Variants in TMEM63B observed in about 807,000 individuals in gnomAD.
TMEM63B encodes mechanosensitive cation channel TMEM63B.
In TMEM63B, 23 loss-of-function variants were observed where a neutral mutation model predicts 102.6. The ratio of observed to expected loss-of-function variants is 0.22; its 90% confidence interval spans 0.16 to 0.32. The LOEUF (loss-of-function observed/expected upper bound fraction) is 0.32, where lower values mean the gene tolerates loss of function less well. Among genes scored for constraint, TMEM63B ranks in the 10% least tolerant of loss-of-function variants. TMEM63B has a pLI of 1.00. For missense variants in TMEM63B, 628 were observed against 1,095.9 expected (o/e 0.57, Z 6.03); for synonymous variants, 444 against 437.0 (o/e 1.02, Z -0.20).
At position 44,150,082 on chromosome 6, in the gene TMEM63B, G is replaced by A; in HGVS notation, c.1520+117G>A. The A allele has an allele frequency of 7.6e-7, 1 of 1,321,364 alleles. No individual in the cohort carries two copies. Among genetic ancestry groups the A allele is most frequent in the Non-Finnish European group, 1.1e-6 (1 of 943,770 alleles). 81.9% of individuals were successfully genotyped at this position (1,321,364 alleles called of 1,614,324 possible). On this transcript the variant is annotated intron_variant, in intron 16 of 23. Transcript: ENST00000323267. The surrounding 1 kb of genome is among the most constrained non-coding windows in gnomAD (Gnocchi z 4.7). ...CCCTGGGCAGTCCCACAGCTGGTAG[G>A]GAAGGGGTAGTGCCCAGCACCCTCA...
At chr6:44,137,596 C>T (rs918612886) in intron 5 of TMEM63B, among the ~76,000 whole-genome samples, 1 of 152,208 alleles carries the variant, frequency 6.6e-6, no homozygotes, top group African/African-American at 2.4e-5. Context: ...GGACCTTCTG[C>T]TGGATGGAGT....
At chr6:44,138,255 A>G in intron 5 of TMEM63B, 2 of 553,588 alleles carry the variant, frequency 3.6e-6, no homozygotes, top group Non-Finnish European at 6.5e-6. Context: ...GGATTCACAG[A>G]TAAACCTGTT....
chr6:44,138,558 T>C lies in TMEM63B; in HGVS notation c.407+41T>C, dbSNP rs748548527. 74 of 1,612,994 alleles carry C rather than the reference T, an allele frequency of 4.6e-5. No homozygotes were observed. In the East Asian group the frequency reaches 1.2e-3, roughly 26 times the overall value. Reference sequence around the variant, plus strand: ...TCAAGCTCTAAAGAAAGAGAGAAACTTCAGAACCTGGCATCTCCCTACAAA... The same window carrying C: ...TCAAGCTCTAAAGAAAGAGAGAAACCTCAGAACCTGGCATCTCCCTACAAA... On this transcript the variant is annotated intron_variant, in intron 6 of 23. Coordinates refer to ENST00000323267, the MANE Select transcript of TMEM63B (RefSeq NM_018426.3).
rs767536605 is a variant in TMEM63B at position 44,146,858 on chromosome 6, C to A, written c.794C>A (p.Pro265His). The A allele has an allele frequency of 1.9e-6, 3 of 1,613,844 alleles. No individual in the cohort carries two copies. In the African/African-American group the frequency reaches 4.0e-5, roughly 22 times the overall value. Residue 265 changes from proline to histidine, a missense_variant, in exon 11 of 24, where the codon CCC (proline) becomes CAC (histidine). By Grantham distance (77) the Pro-to-His change is moderately conservative (BLOSUM62 -2). This residue lies in a region of TMEM63B where 336 missense variants were observed against 580.3 expected (regional missense o/e 0.58). Coordinates refer to ENST00000323267, the MANE Select transcript of TMEM63B (RefSeq NM_018426.3). ...GAACTGTGTTTCAGGGAAGCCTACC[C>A]CAACTGCACAGTTCTCGAAGCCCGC... ...KIKKHFEEAYPNCTVLEARPC... is the reference protein window; with the variant it reads ...KIKKHFEEAYHNCTVLEARPC...
chr6:44,149,976 T>A lies in TMEM63B; in HGVS notation c.1520+11T>A, dbSNP rs747689341. On this transcript the variant is annotated intron_variant, in intron 16 of 23. Transcript: ENST00000323267. ...AGCCCACTGGACACGGTAAGGTGCC[T>A]CCACTCACACCACACCTCGCTGTGG... 1 of 1,609,770 alleles carries A rather than the reference T, an allele frequency of 6.2e-7. No homozygotes were observed. The highest frequency in any genetic ancestry group is 1.7e-5 in the Admixed American group (1 of 59,744).
At position 44,154,738 on chromosome 6, in the gene TMEM63B, G is replaced by C. The variant is rs1767683973; in HGVS notation, c.2354G>C (p.Gly785Ala). 6.3e-7 allele frequency: 1 copy of C among 1,588,554 alleles called. No individual in the cohort carries two copies. Among genetic ancestry groups the C allele is most frequent in the Non-Finnish European group, 8.5e-7 (1 of 1,169,858 alleles). The change falls in exon 24 of 24, where the codon GGG (glycine) becomes GCG (alanine). Residue 785 changes from glycine to alanine, a missense_variant. Gly to Ala is a moderately conservative substitution (Grantham distance 60, BLOSUM62 0). Around this residue, in one of 6 missense-constraint regions of TMEM63B, gnomAD observed 129 missense variants for 153.5 expected, o/e 0.84. Coordinates refer to ENST00000323267, the MANE Select transcript of TMEM63B (RefSeq NM_018426.3). ...VLQDSEVDGDGDGAPGSSGDE... is the reference protein window; with the variant it reads ...VLQDSEVDGDADGAPGSSGDE... ...CAGGACTCAGAGGTGGACGGGGATGGGGATGGGGCTCCTGGGAGCTCAGGG... is the reference window on the plus strand; with the variant it reads ...CAGGACTCAGAGGTGGACGGGGATGCGGATGGGGCTCCTGGGAGCTCAGGG...
chr6:44,148,305 C>T lies in TMEM63B; in HGVS notation c.1041C>T (p.Tyr347=), dbSNP rs371602875. The part of the protein sequence containing the change: ...TKLEQKLKED[Y]KREKEKVNEK... ...TGGAGCAGAAGCTGAAGGAAGACTA[C>T]AAGCGGGAGAAGGAGAAGGTGAATG... is the stretch of plus-strand genomic sequence containing the variant. The change falls in exon 13 of 24, where the codon TAC becomes TAT. Residue 347 remains tyrosine (Y), a synonymous_variant. Coordinates refer to ENST00000323267, the MANE Select transcript of TMEM63B (RefSeq NM_018426.3). This position sits in a 1 kb window ranked among gnomAD's most constrained non-coding sequence, Gnocchi z 5.1. 6.2e-7 allele frequency: 1 copy of T among 1,614,130 alleles called. No individual in the cohort carries two copies. Among genetic ancestry groups the T allele is most frequent in the Non-Finnish European group, 8.5e-7 (1 of 1,180,054 alleles).
Position 44,154,840 on chromosome 6 carries a change from AGTCT to A in TMEM63B, c.2457_2460del (p.Gln819HisfsTer7). 6.2e-7 allele frequency: 1 copy of A among 1,607,390 alleles called. No individual in the cohort carries two copies. Among genetic ancestry groups the A allele is most frequent in the Non-Finnish European group, 8.5e-7 (1 of 1,177,474 alleles). ...GACGCCCTCACGGACACAGACTTCC[AGTCT>A]TGCGAGGACAGCCTCATAGAGAATG... On this transcript the variant is annotated frameshift_variant, in exon 24 of 24. Coordinates refer to ENST00000323267, the MANE Select transcript of TMEM63B (RefSeq NM_018426.3). LOFTEE classifies it high-confidence loss of function.
chr6:44,134,250 AG>A (rs1762494267), intron 1 of TMEM63B, among the ~76,000 whole-genome samples: 1 of 152,078 alleles, frequency 6.6e-6, no homozygotes, highest in Non-Finnish European at 1.5e-5. Flanking sequence ...TGGCGGCGGC[AG>A]GGGGGATTTA....
At chr6:44,151,356 A>C (rs1333868696) in intron 18 of TMEM63B, among the ~76,000 whole-genome samples, 1 of 152,142 alleles carries the variant, frequency 6.6e-6, no homozygotes, top group Non-Finnish European at 1.5e-5. Context: ...TTTGAGTCAC[A>C]CTTGGGGCAT....
At chr6:44,154,483 A>C (rs764517847) in intron 23 of TMEM63B, 38 bp downstream of exon 23, 1 of 1,610,214 alleles carries the variant, frequency 6.2e-7, no homozygotes, top group Non-Finnish European at 8.5e-7. Context: ...CCTCTGACAG[A>C]CTCAGCCTCA....
chr6:44,134,081 A>G (rs889218817), intron 1 of TMEM63B, among the ~76,000 whole-genome samples: 1 of 152,224 alleles, frequency 6.6e-6, no homozygotes, highest in African/African-American at 2.4e-5. Context: ...AGGCATAGAA[A>G]GAAAAGATCA....
At chr6:44,131,345 T>G (rs1244686277) in intron 1 of TMEM63B, among the ~76,000 whole-genome samples, 1 of 152,180 alleles carries the variant, frequency 6.6e-6, no homozygotes, top group Non-Finnish European at 1.5e-5. Flanking sequence ...GGTTTCGTAG[T>G]AACAGAGCTC....
chr6:44,139,399 G>A, intron 6 of TMEM63B, 68 bp from the exon 7 acceptor site: 1 of 1,588,652 alleles, frequency 6.3e-7, no homozygotes, highest in Non-Finnish European at 8.6e-7. Flanking sequence ...GGTGAGGGCA[G>A]GCAAGTTGCA....
chr6:44,127,114 A>G (rs1777184406), upstream of TMEM63B: 1 of 149,488 alleles, frequency 6.7e-6, no homozygotes, highest in Admixed American at 6.6e-5. Flanking sequence ...GAAGCAGCCC[A>G]CGGAGAGCGG....
intron 10 of TMEM63B, among the ~76,000 whole-genome samples, chr6:44,141,390 C>T (rs1220523045): frequency 6.6e-6 from 1 of 152,162 alleles, no homozygotes; most frequent in East Asian, 1.9e-4. Context: ...GACCCAGGTC[C>T]ATTGGAGTAC....
At position 44,151,734 on chromosome 6, in the gene TMEM63B, C is replaced by T. The variant is rs372363714; in HGVS notation, c.1674-112C>T. On this transcript the variant is annotated intron_variant, in intron 18 of 23. Transcript: ENST00000323267. The stretch of plus-strand genomic sequence containing the variant: ...TGGGGCGCTAAGCTGGGGGTGTCCA[C>T]ATGGAAGAAGCATGTTGGTGGTGGA... 5.0e-4 allele frequency: 659 copies of T among 1,306,382 alleles called. 1 individual carries two copies. In the African/African-American group the frequency reaches 7.7e-3, roughly 15 times the overall value. 80.9% of individuals were successfully genotyped at this position (1,306,382 alleles called of 1,614,324 possible). A position where few individuals can be genotyped will look rare whatever the true frequency, so the allele number is the denominator to read the frequency against.
Position 44,147,454 on chromosome 6 carries a change from A to G in TMEM63B, c.941A>G (p.Lys314Arg), listed in dbSNP as rs1374861073. ...KENVPTMINP[K>R]PCGHLCCCVV... is the part of the protein sequence containing the mutation. ...AACGTGCCTACCATGATCAACCCCAAGCCCTGTGGCCACCTCTGCTGCTGT... is the reference window on the plus strand; with the variant it reads ...AACGTGCCTACCATGATCAACCCCAGGCCCTGTGGCCACCTCTGCTGCTGT... The change falls in exon 12 of 24, where the codon AAG becomes AGG. Residue 314 changes from lysine (K) to arginine (R), a missense_variant. Around this residue, in one of 6 missense-constraint regions of TMEM63B, gnomAD observed 336 missense variants for 580.3 expected, o/e 0.58. Coordinates refer to ENST00000323267, the MANE Select transcript of TMEM63B (RefSeq NM_018426.3). 6.2e-7 allele frequency: 1 copy of G among 1,614,128 alleles called. No individual in the cohort carries two copies. Among genetic ancestry groups the G allele is most frequent in the Non-Finnish European group, 8.5e-7 (1 of 1,180,032 alleles).
chr6:44,136,314 C>G lies in TMEM63B; in HGVS notation c.279-35C>G, dbSNP rs146246234. ...CAGCTTCCCGGGGGCTCAGACTCAC[C>G]AGGCTCTCTGATCTCTCATCTCCCT... On this transcript the variant is annotated intron_variant, in intron 4 of 23. Transcript: ENST00000323267. 2,472 of 1,591,564 alleles carry G rather than the reference C, an allele frequency of 1.6e-3. 40 individuals carry two copies. The African/African-American group carries it at 0.03, about 19-fold the overall frequency.
Sources: gnomAD v4.1 joint callset for allele counts (sites outside exome capture counted in the v4.1 genomes callset) on GRCh38, gnomAD v4.1.1 for gene constraint, gnomAD v4.1.1 regional missense constraint, Gnocchi (gnomAD v3.1) non-coding constraint, MANE v1.5 for transcripts, NCBI Gene and HGNC (gene_info 2026-07-23, HGNC 2026-07-21) for gene names.